Variants in PRIM2 observed in about 807,000 individuals in gnomAD.
PRIM2 encodes the protein DNA primase subunit 2, also known as DNA primase large subunit.
A neutral mutation model predicts 67.3 loss-of-function variants in PRIM2; 39 were observed. That is an observed-to-expected ratio of 0.58 (90% CI 0.45 to 0.76). The LOEUF (loss-of-function observed/expected upper bound fraction) is 0.76. Ranked by LOEUF, PRIM2 falls within the 30% of genes least tolerant of loss-of-function variation. PRIM2 has a pLI of 0.00. For synonymous variants in PRIM2, 143 were observed against 198.7 expected, an observed-to-expected ratio of 0.72 and a Z score of 2.36; for missense variants, 398 against 598.7, an observed-to-expected ratio of 0.66 and a Z score of 3.50.
At chr6:57,372,813 C>T (rs569543787) in intron 5 of PRIM2, among the ~76,000 whole-genome samples, 8 of 152,258 alleles carry the variant, frequency 5.3e-5, no homozygotes, top group South Asian at 2.1e-4. Context: ...CATAGTATTC[C>T]GTGGTGTATA....
Position 57,404,182 on chromosome 6 carries a change from C to A in PRIM2, c.693+22014C>A, listed in dbSNP as rs1449793255. Among the ~76,000 whole-genome samples, 3 of 93,472 alleles carry A rather than the reference C, an allele frequency of 3.2e-5. No individual in the cohort carries two copies. In the East Asian group the frequency reaches 7.4e-4, roughly 23 times the overall value. 61.3% of individuals were successfully genotyped at this position (93,472 alleles called of 152,430 possible). Reference sequence around the variant, plus strand: ...AGAAAGGTTGAGCGGCCTGCAAGAACTCACATTGCTCATTAGTGAAAGACC... The same window carrying A: ...AGAAAGGTTGAGCGGCCTGCAAGAAATCACATTGCTCATTAGTGAAAGACC... On this transcript the variant is annotated intron_variant, in intron 7 of 13. Coordinates refer to ENST00000615550, the MANE Select transcript of PRIM2 (RefSeq NM_000947.5).
At chr6:57,542,938 G>GGTTTTTTTTTTTTTTTT (rs1581980392) in intron 10 of PRIM2, among the ~76,000 whole-genome samples, 1 of 56,886 alleles carries the variant, frequency 1.8e-5, no homozygotes, top group Non-Finnish European at 3.3e-5. Context: ...CTGCTTATAG[G>GGTTTTTTTTTTTTTTTT]ATTTTTTTTT....
chr6:57,357,883 C>T (rs1769085206), intron 5 of PRIM2, among the ~76,000 whole-genome samples: 1 of 152,004 alleles, frequency 6.6e-6, no homozygotes, highest in Admixed American at 6.6e-5. Context: ...CATGAGCCAC[C>T]GCACCCGGCT....
chr6:57,294,687 C>T, the PRIM2 span, among the ~76,000 whole-genome samples: 1 of 151,042 alleles, frequency 6.6e-6, no homozygotes, highest in Non-Finnish European at 1.5e-5. Flanking sequence ...TGTATACATA[C>T]ACATATAAAT....
chr6:57,494,915 G>A (rs1773972335), intron 7 of PRIM2, among the ~76,000 whole-genome samples: 3 of 152,180 alleles, frequency 2.0e-5, no homozygotes, highest in African/African-American at 7.2e-5. Context: ...TTATCACAGT[G>A]AAGACATTAT....
At chr6:57,476,352 AG>A (rs1317692971) in intron 7 of PRIM2, among the ~76,000 whole-genome samples, 1 of 152,186 alleles carries the variant, frequency 6.6e-6, no homozygotes, top group Non-Finnish European at 1.5e-5. Flanking sequence ...CTGGAATTTA[AG>A]TTAATGGCAG....
chr6:57,281,351 G>A, the PRIM2 span, among the ~76,000 whole-genome samples: 5 of 152,100 alleles, frequency 3.3e-5, no homozygotes, highest in African/African-American at 1.2e-4. Flanking sequence ...CTGTTTTCAG[G>A]TTTTAGTTTT....
At chr6:57,618,103 C>T (rs1266203356) in intron 12 of PRIM2, among the ~76,000 whole-genome samples, 2 of 152,120 alleles carry the variant, frequency 1.3e-5, no homozygotes, top group Non-Finnish European at 2.9e-5. Context: ...TATGTCTGTC[C>T]TTATGCCAGC....
At chr6:57,559,036 C>CT (rs1775576436) in intron 10 of PRIM2, among the ~76,000 whole-genome samples, 1 of 151,284 alleles carries the variant, frequency 6.6e-6, no homozygotes, top group African/African-American at 2.4e-5. Flanking sequence ...ATTTGGGAGG[C>CT]TGAGATGGGA....
chr6:57,326,893 CTTTTTTTTTTT>C (rs70989764), intron 5 of PRIM2, among the ~76,000 whole-genome samples: 2 of 131,490 alleles, frequency 1.5e-5, no homozygotes, highest in African/African-American at 5.9e-5. Flanking sequence ...GAATTTGTAT[CTTTTTTTTTTT>C]TTTTTTTTTT....
Position 57,362,209 on chromosome 6 carries a change from G to C in PRIM2, c.460-17692G>C, listed in dbSNP as rs4715665. On this transcript the variant is annotated intron_variant, in intron 5 of 13. Transcript: ENST00000615550. ...AAACACCTCCCTTCCCTTCACACCA[G>C]GTAAAAAAATAGCTGGTATTCTACC... Among the ~76,000 whole-genome samples, 159 of 150,180 alleles carry C rather than the reference G, an allele frequency of 1.1e-3. 1 individual carries two copies. In the South Asian group the frequency reaches 0.014, roughly 13 times the overall value.
At chr6:57,568,681 A>G (rs1188520290) in intron 10 of PRIM2, among the ~76,000 whole-genome samples, 2 of 152,250 alleles carry the variant, frequency 1.3e-5, no homozygotes, top group African/African-American at 4.8e-5. Flanking sequence ...TTAAGGGAAT[A>G]ATAAAAATGG....
At chr6:57,373,538 T>C (rs1260599137) in intron 5 of PRIM2, among the ~76,000 whole-genome samples, 6 of 152,236 alleles carry the variant, frequency 3.9e-5, no homozygotes, top group Admixed American at 2.6e-4. Context: ...TGTGCTTATG[T>C]CCTGATTGGT....
At chr6:57,296,505 T>C in the PRIM2 span, among the ~76,000 whole-genome samples, 1 of 152,020 alleles carries the variant, frequency 6.6e-6, no homozygotes, top group Non-Finnish European at 1.5e-5. Flanking sequence ...AGCTATTAAT[T>C]TGAACTACAA....
At chr6:57,243,591 C>T in the PRIM2 span, among the ~76,000 whole-genome samples, 3 of 152,204 alleles carry the variant, frequency 2.0e-5, no homozygotes, top group Non-Finnish European at 2.9e-5. Context: ...GCCTCAGCCT[C>T]CCAAGTAGCC....
At chr6:57,358,715 G>T (rs1769107486) in intron 5 of PRIM2, among the ~76,000 whole-genome samples, 1 of 152,078 alleles carries the variant, frequency 6.6e-6, no homozygotes, top group Admixed American at 6.6e-5. Flanking sequence ...TTCTGTATTG[G>T]CAGTACAGTA....
intron 12 of PRIM2, among the ~76,000 whole-genome samples, chr6:57,622,504 T>C (rs1399306490): frequency 6.6e-6 from 1 of 152,218 alleles, no homozygotes; most frequent in Non-Finnish European, 1.5e-5. Context: ...CATAAGTAAG[T>C]ATACATAAGG....
intron 7 of PRIM2, among the ~76,000 whole-genome samples, chr6:57,419,664 A>T (rs1771397907): frequency 6.6e-6 from 1 of 152,092 alleles, no homozygotes; most frequent in African/African-American, 2.4e-5. Context: ...ATTTTGTATG[A>T]ATTTATTATA....
intron 7 of PRIM2, among the ~76,000 whole-genome samples, chr6:57,437,330 A>G (rs2127382762): frequency 6.6e-6 from 1 of 152,376 alleles, no homozygotes; most frequent in Middle Eastern, 3.4e-3. Flanking sequence ...ATAGGGACAC[A>G]GATCCAAATC....
Sources: gnomAD v4.1 joint callset for allele counts (sites outside exome capture counted in the v4.1 genomes callset) on GRCh38, gnomAD v4.1.1 for gene constraint, MANE v1.5 for transcripts, NCBI Gene and HGNC (gene_info 2026-07-23, HGNC 2026-07-21) for gene names.